Variants in ASAP1 observed in about 807,000 individuals in gnomAD.
ASAP1 encodes the protein ArfGAP with SH3 domain, ankyrin repeat and PH domain 1.
A neutral mutation model predicts 145.2 loss-of-function variants in ASAP1; 43 were observed. That is an observed-to-expected ratio of 0.30 (90% CI 0.23 to 0.38). The LOEUF is 0.38. Among genes scored for constraint, ASAP1 ranks in the 10% least tolerant of loss-of-function variants. The probability of loss-of-function intolerance (pLI) is 1.00; values close to 1 mark genes in which losing one functional copy is unlikely to be tolerated. For missense variants in ASAP1, 1,018 were observed against 1,355.3 expected (o/e 0.75, Z 3.91); for synonymous variants, 546 against 515.5 (o/e 1.06, Z -0.80).
chr8:130,205,400 AC>A lies in ASAP1; in HGVS notation c.405+9155del, dbSNP rs1316025934. Among the ~76,000 whole-genome samples, 264 of 150,818 alleles carry A rather than the reference AC, an allele frequency of 1.8e-3. 1 individual carries two copies. Among genetic ancestry groups the A allele is most frequent in the African/African-American group, 6.0e-3 (245 of 40,918 alleles). On this transcript the variant is annotated intron_variant, in intron 5 of 29. Transcript: ENST00000518721. ...CTTATAAGAAAAAAAAAAAAAAAAA[AC>A]AAAAACCATATTCAAATTCAGCCTG...
At chr8:130,361,838 C>G in intron 2 of ASAP1, 2 of 1,110,748 alleles carry the variant, frequency 1.8e-6, no homozygotes, top group African/African-American at 1.5e-5. Context: ...GGAGCTGCCC[C>G]GAAATATACA....
chr8:130,351,631 A>C (rs1826001386), intron 3 of ASAP1, among the ~76,000 whole-genome samples: 1 of 152,138 alleles, frequency 6.6e-6, no homozygotes, highest in Non-Finnish European at 1.5e-5. Context: ...CACATGGCGA[A>C]AGCAGGGGCG....
chr8:130,074,908 G>C (rs147651715), intron 27 of ASAP1, among the ~76,000 whole-genome samples: 1 of 152,304 alleles, frequency 6.6e-6, no homozygotes, highest in African/African-American at 2.4e-5. Flanking sequence ...GCAGAACCCA[G>C]CACAGGAGGG....
chr8:130,214,732 T>C (rs1268811124), intron 4 of ASAP1, 31 bp from the exon 5 acceptor site: 4 of 1,534,476 alleles, frequency 2.6e-6, no homozygotes, highest in East Asian at 2.3e-5. Flanking sequence ...GAAAGGAGTC[T>C]GAACTATTAT....
At chr8:130,401,137 C>T (rs1816363574) in intron 2 of ASAP1, among the ~76,000 whole-genome samples, 1 of 152,158 alleles carries the variant, frequency 6.6e-6, no homozygotes, top group African/African-American at 2.4e-5. Context: ...CCGCCTCGGC[C>T]TCCCAAAGTG....
intron 27 of ASAP1, among the ~76,000 whole-genome samples, chr8:130,067,259 A>G (rs887944339): frequency 1.3e-5 from 2 of 152,180 alleles, no homozygotes; most frequent in African/African-American, 2.4e-5. Flanking sequence ...TGGGTGACCC[A>G]TACTAGAGTT....
chr8:130,136,113 C>T (rs1323343406), intron 14 of ASAP1, among the ~76,000 whole-genome samples: 1 of 152,262 alleles, frequency 6.6e-6, no homozygotes, highest in Admixed American at 6.5e-5. Flanking sequence ...AGGATATTCA[C>T]GAGAGTCACT....
At chr8:130,329,505 T>G (rs997347396) in intron 3 of ASAP1, among the ~76,000 whole-genome samples, 2 of 152,086 alleles carry the variant, frequency 1.3e-5, no homozygotes, top group African/African-American at 2.4e-5. Flanking sequence ...GGTCCAAATC[T>G]ATAGTCCTAC....
intron 2 of ASAP1, among the ~76,000 whole-genome samples, chr8:130,382,876 T>C (rs1178205197): frequency 7.2e-6 from 1 of 138,274 alleles, no homozygotes; most frequent in African/African-American, 2.8e-5. Flanking sequence ...CAATTAATGA[T>C]AGGGAAATGG....
At chr8:130,099,671 G>T (rs2097525199) in intron 24 of ASAP1, among the ~76,000 whole-genome samples, 1 of 144,364 alleles carries the variant, frequency 6.9e-6, no homozygotes. Flanking sequence ...CACATGAAAG[G>T]ATTTCATTCT....
At position 130,052,739 on chromosome 8, in the gene ASAP1, T is replaced by TG. The variant is rs1554810046; in HGVS notation, c.*1991_*1992insC. On this transcript the variant is annotated 3_prime_UTR_variant, in exon 30 of 30. Transcript: ENST00000518721. The stretch of plus-strand genomic sequence containing the variant: ...TTGTGTTTTTTTTTTGTTTTTGTTT[T>TG]TTTTTTTTTTTTGAAAAAAACCAGT... 3 of 149,700 alleles carry TG rather than the reference T, an allele frequency of 2.0e-5. No homozygotes were observed. Among genetic ancestry groups the TG allele is most frequent in the Non-Finnish European group, 4.4e-5 (3 of 67,468 alleles). The allele number at this position is 149,700 out of a possible 1,614,324, so 9.3% of individuals were successfully genotyped here.
At chr8:130,065,361 T>C (rs1014752426) in intron 27 of ASAP1, among the ~76,000 whole-genome samples, 1 of 152,190 alleles carries the variant, frequency 6.6e-6, no homozygotes, top group Non-Finnish European at 1.5e-5. Flanking sequence ...CGGGTTTAGC[T>C]TTCTAGAAGC....
intron 4 of ASAP1, 121 bp from the exon 5 acceptor site, chr8:130,214,822 T>C: frequency 2.5e-6 from 2 of 806,170 alleles, no homozygotes; most frequent in Non-Finnish European, 3.8e-6. Context: ...CAATTATTTA[T>C]TGCACATGTC....
At chr8:130,107,489 G>GTC (rs1423980081) in intron 24 of ASAP1, among the ~76,000 whole-genome samples, 9 of 147,620 alleles carry the variant, frequency 6.1e-5, no homozygotes, top group Admixed American at 6.8e-5. Context: ...CCGGCCCATA[G>GTC]TCTCTCTTTT....
intron 1 of ASAP1, among the ~76,000 whole-genome samples, chr8:130,413,885 GATTCATTC>G (rs58479009): frequency 0.016 from 2,445 of 151,444 alleles, 35 homozygotes; most frequent in East Asian, 0.05. Flanking sequence ...TATTTTGCCA[GATTCATTC>G]ATTCATTCAT....
At chr8:130,123,774 C>T (rs1049801503) in intron 18 of ASAP1, among the ~76,000 whole-genome samples, 1 of 151,986 alleles carries the variant, frequency 6.6e-6, no homozygotes, top group Non-Finnish European at 1.5e-5. Context: ...CTACAAAGTG[C>T]CTGCCACCAC....
At chr8:130,117,550 C>T (rs964766233) in intron 20 of ASAP1, among the ~76,000 whole-genome samples, 1 of 152,160 alleles carries the variant, frequency 6.6e-6, no homozygotes, top group East Asian at 1.9e-4. Context: ...CTAGTTCCTC[C>T]TCATCATCTG....
chr8:130,402,255 A>C (rs192538430), intron 1 of ASAP1, among the ~76,000 whole-genome samples: 6 of 152,292 alleles, frequency 3.9e-5, no homozygotes, highest in Admixed American at 3.9e-4. Flanking sequence ...CAAGTCATTA[A>C]CTTCTCTAGA....
intron 2 of ASAP1, among the ~76,000 whole-genome samples, chr8:130,366,885 C>CTTTTTTTTTTTTTTTTTTT (rs1565252965): frequency 1.7e-5 from 2 of 120,092 alleles, no homozygotes; most frequent in South Asian, 7.0e-4. Context: ...ATGCTAGATT[C>CTTTTTTTTTTTTTTTTTTT]CTTTTTTTTT....
Sources: allele counts gnomAD v4.1 joint callset (sites outside exome capture counted in the v4.1 genomes callset), GRCh38; gene constraint gnomAD v4.1.1; transcripts MANE v1.5; gene names NCBI Gene and HGNC (gene_info 2026-07-23, HGNC 2026-07-21).